Variants in ANKRD44 observed in about 807,000 individuals in gnomAD.
ANKRD44 encodes the protein ankyrin repeat domain 44, also known as serine/threonine-protein phosphatase 6 regulatory ankyrin repeat subunit B.
Under a neutral mutation model 116.0 loss-of-function variants are expected in ANKRD44, and 35 were observed. The observed-to-expected ratio is 0.30, with a 90% CI of 0.23 to 0.40. ANKRD44 has a LOEUF of 0.40. Among genes scored for constraint, ANKRD44 ranks in the 10% least tolerant of loss-of-function variants. The pLI is 1.00. For missense variants in ANKRD44, 1,014 were observed against 1,242.6 expected (o/e 0.82, Z 2.77); for synonymous variants, 435 against 461.8 (o/e 0.94, Z 0.74).
At chr2:197,304,401 A>T (rs2105921236) in intron 1 of ANKRD44, among the ~76,000 whole-genome samples, 1 of 152,368 alleles carries the variant, frequency 6.6e-6, no homozygotes, top group East Asian at 1.9e-4. Context: ...ATTAGTCCTA[A>T]GTCATTGACA....
chr2:197,037,087 A>G (rs1321489637), intron 16 of ANKRD44, among the ~76,000 whole-genome samples: 1 of 152,278 alleles, frequency 6.6e-6, no homozygotes, highest in East Asian at 1.9e-4. Flanking sequence ...ACAGATGTAA[A>G]AAATAAAATA....
chr2:197,061,812 A>C, intron 16 of ANKRD44, among the ~76,000 whole-genome samples: 2 of 139,190 alleles, frequency 1.4e-5, no homozygotes, highest in Admixed American at 7.9e-5. Flanking sequence ...GCAGAGTCTC[A>C]CTCTATTGTC....
intron 21 of ANKRD44, among the ~76,000 whole-genome samples, 164 bp from the exon 22 acceptor site, chr2:197,002,004 A>C (rs769046683): frequency 6.6e-6 from 1 of 152,238 alleles, no homozygotes; most frequent in Non-Finnish European, 1.5e-5. Flanking sequence ...AAATGTTATT[A>C]ACATGTTCAC....
chr2:197,307,026 A>G (rs1273409878), intron 1 of ANKRD44, among the ~76,000 whole-genome samples: 1 of 152,210 alleles, frequency 6.6e-6, no homozygotes, highest in Non-Finnish European at 1.5e-5. Context: ...AATTTCGGGT[A>G]GAGATCCAGG....
chr2:197,247,156 T>C (rs1237508607), intron 1 of ANKRD44, among the ~76,000 whole-genome samples: 1 of 152,174 alleles, frequency 6.6e-6, no homozygotes, highest in Non-Finnish European at 1.5e-5. Flanking sequence ...TTATTTGCAA[T>C]GTCATAGAAA....
At chr2:197,123,328 T>C (rs1011723839) in intron 6 of ANKRD44, among the ~76,000 whole-genome samples, 1 of 152,236 alleles carries the variant, frequency 6.6e-6, no homozygotes, top group Non-Finnish European at 1.5e-5. Context: ...CTTAAAAGTA[T>C]CCTCATGAAT....
chr2:197,015,046 T>C, intron 17 of ANKRD44: 1 of 240,294 alleles, frequency 4.2e-6, no homozygotes, highest in South Asian at 5.9e-5. Context: ...CAGATGATAC[T>C]TTAAGAGAAC....
intron 9 of ANKRD44, among the ~76,000 whole-genome samples, chr2:197,104,905 C>A (rs905203145): frequency 1.3e-5 from 2 of 152,196 alleles, no homozygotes; most frequent in Admixed American, 6.5e-5. Context: ...ACTCTCAAGA[C>A]TTCTGTGTGT....
chr2:197,236,249 G>C (rs1009382290), intron 1 of ANKRD44, among the ~76,000 whole-genome samples: 1 of 152,132 alleles, frequency 6.6e-6, no homozygotes, highest in Non-Finnish European at 1.5e-5. Context: ...GTAAGATACA[G>C]TCAAAAACTA....
chr2:197,047,894 A>G (rs2077032325), intron 16 of ANKRD44, among the ~76,000 whole-genome samples: 1 of 151,714 alleles, frequency 6.6e-6, no homozygotes, highest in African/African-American at 2.4e-5. Flanking sequence ...TGGGCAACAC[A>G]GTGAGACTCC....
At chr2:197,108,865 C>A (rs1475623238) in intron 9 of ANKRD44, among the ~76,000 whole-genome samples, 103 of 140,646 alleles carry the variant, frequency 7.3e-4, no homozygotes, top group African/African-American at 3.3e-3. Flanking sequence ...ACAACAACAA[C>A]AACAACAAAA....
chr2:197,067,063 A>G (rs575543341), intron 16 of ANKRD44, among the ~76,000 whole-genome samples: 267 of 152,340 alleles, frequency 1.8e-3, no homozygotes, highest in Middle Eastern at 3.4e-3. Context: ...CCAAAACAGC[A>G]TGGTACTGGT....
intron 4 of ANKRD44, chr2:197,134,014 C>G (rs12471109): frequency 7.1e-6 from 1 of 140,900 alleles, no homozygotes; most frequent in African/African-American, 2.8e-5. Context: ...AGTGCAATGG[C>G]GTGATCTTGG....
rs2078886185 is a variant in ANKRD44 at position 197,122,760 on chromosome 2, G to A, written c.583C>T (p.His195Tyr). The A allele has an allele frequency of 1.2e-6, 2 of 1,614,132 alleles. No homozygotes were observed. Among genetic ancestry groups the A allele is most frequent in the Non-Finnish European group, 1.7e-6 (2 of 1,180,004 alleles). Residue 195 changes from histidine to tyrosine, a missense_variant, in exon 7 of 28, where the codon CAT (histidine) becomes TAT (tyrosine). By Grantham distance (83) the His-to-Tyr change is moderately conservative (BLOSUM62 2). Coordinates refer to ENST00000282272, the MANE Select transcript of ANKRD44 (RefSeq NM_001195144.2). ...HLDVVALLIN[H>Y]GAEVTCKDKK... Reference sequence around the variant, plus strand: ...TCCTTACAGGTCACTTCTGCGCCATGGTTAATGAGCAATGCTACAACATCC... The same window carrying A: ...TCCTTACAGGTCACTTCTGCGCCATAGTTAATGAGCAATGCTACAACATCC...
At chr2:197,275,189 A>G (rs1305191029) in intron 1 of ANKRD44, among the ~76,000 whole-genome samples, 3 of 151,732 alleles carry the variant, frequency 2.0e-5, no homozygotes, top group Non-Finnish European at 4.4e-5. Context: ...ATCACAGCTC[A>G]TTGCAGCCTC....
At chr2:197,240,684 G>A (rs1016126722) in intron 1 of ANKRD44, among the ~76,000 whole-genome samples, 1 of 149,518 alleles carries the variant, frequency 6.7e-6, no homozygotes, top group Non-Finnish European at 1.5e-5. Context: ...CAGCAGTCTT[G>A]AAGCAAGTTT....
chr2:197,073,779 G>A (rs1468543054), intron 16 of ANKRD44, among the ~76,000 whole-genome samples: 2 of 152,188 alleles, frequency 1.3e-5, no homozygotes, highest in African/African-American at 2.4e-5. Flanking sequence ...CTTTCCAACT[G>A]TGACTTTAGA....
At chr2:197,210,837 A>AT (rs1212861846) in intron 1 of ANKRD44, among the ~76,000 whole-genome samples, 1 of 152,276 alleles carries the variant, frequency 6.6e-6, no homozygotes, top group African/African-American at 2.4e-5. Flanking sequence ...GGAGAGGCAA[A>AT]TGTCCTCCTG....
intron 9 of ANKRD44, among the ~76,000 whole-genome samples, chr2:197,100,237 C>G (rs2078259263): frequency 6.6e-6 from 1 of 152,154 alleles, no homozygotes; most frequent in East Asian, 1.9e-4. Flanking sequence ...GAGTTTCAGA[C>G]CAGCCTGACC....
Sources: allele counts gnomAD v4.1 joint callset (sites outside exome capture counted in the v4.1 genomes callset), GRCh38; gene constraint gnomAD v4.1.1; transcripts MANE v1.5; gene names NCBI Gene and HGNC (gene_info 2026-07-23, HGNC 2026-07-21).